The following ZNF718 variants were observed in gnomAD, a reference collection of about 807,000 sequenced individuals.
ZNF718 encodes the protein zinc finger protein 718.
In ZNF718, 3 loss-of-function variants were observed where a neutral mutation model predicts 2.6. The ratio of observed to expected loss-of-function variants is 1.16; its 90% confidence interval spans 0.53 to 3.01. ZNF718 has a LOEUF of 3.01. Ranked by LOEUF, ZNF718 falls within the 30% of genes most tolerant of loss-of-function variation. ZNF718 has a pLI of 0.03. For synonymous variants in ZNF718, 135 were observed against 77.9 expected (o/e 1.73, Z -3.86); for missense variants, 468 against 230.0 (o/e 2.03, Z -6.69).
At chr4:143,244 T>G (rs781995883) in intron 3 of ZNF718, among the ~76,000 whole-genome samples, 14 of 152,164 alleles carry the variant, frequency 9.2e-5, no homozygotes, top group Non-Finnish European at 1.5e-5. Context: ...CAGACTGGAG[T>G]GCAGTGGTGT....
Position 131,904 on chromosome 4 carries a change from G to T in ZNF718, c.226+399G>T, listed in dbSNP as rs1436345910. Among the ~76,000 whole-genome samples, 3 of 101,486 alleles carry T rather than the reference G, an allele frequency of 3.0e-5. 1 individual carries two copies. The highest frequency in any genetic ancestry group is 2.1e-4 in the Admixed American group (2 of 9,392). 66.6% of individuals were successfully genotyped at this position (101,486 alleles called of 152,430 possible). Reference sequence around the variant, plus strand: ...ACTAAAAATACAAAAAATTAGCCGGGTGTGGTGGCGGGCGCCTGTAGTCCC... The same window carrying T: ...ACTAAAAATACAAAAAATTAGCCGGTTGTGGTGGCGGGCGCCTGTAGTCCC... On this transcript the variant is annotated intron_variant, in intron 3 of 3. Coordinates refer to ENST00000510175, the MANE Select transcript of ZNF718 (RefSeq NM_001039127.6).
intron 3 of ZNF718, among the ~76,000 whole-genome samples, chr4:141,080 T>C (rs550591365): frequency 1.3e-5 from 2 of 152,342 alleles, no homozygotes; most frequent in Admixed American, 6.5e-5. Flanking sequence ...TATCCATTAG[T>C]TCAGGATTTT....
At chr4:160,599 G>C (rs1716779573) in intron 3 of ZNF718, among the ~76,000 whole-genome samples, 1 of 151,988 alleles carries the variant, frequency 6.6e-6, no homozygotes, top group Non-Finnish European at 1.5e-5. Context: ...ACCTTTTCTG[G>C]AGTGCAGTGG....
At chr4:151,106 A>G (rs537635051) in intron 3 of ZNF718, among the ~76,000 whole-genome samples, 1 of 151,830 alleles carries the variant, frequency 6.6e-6, no homozygotes, top group African/African-American at 2.4e-5. Flanking sequence ...TTAATTAATT[A>G]ATTTATTTAT....
At chr4:144,357 C>T (rs1483940025) in intron 3 of ZNF718, among the ~76,000 whole-genome samples, 2 of 152,154 alleles carry the variant, frequency 1.3e-5, no homozygotes, top group Non-Finnish European at 2.9e-5. Context: ...ATGGATTTAT[C>T]TCTGCATTCG....
intron 3 of ZNF718, among the ~76,000 whole-genome samples, chr4:174,002 TAGAG>T (rs534469751): frequency 6.8e-4 from 104 of 152,112 alleles, no homozygotes; most frequent in African/African-American, 2.2e-3. Context: ...GGCCCCCAAG[TAGAG>T]AGCAGTCCTG....
rs1716823948 is a variant in ZNF718 at position 161,203 on chromosome 4, G to A, written c.518G>A (p.Cys173Tyr). 6.5e-6 allele frequency: 5 copies of A among 771,902 alleles called. No individual in the cohort carries two copies. Among genetic ancestry groups the A allele is most frequent in the South Asian group, 5.4e-5 (4 of 73,396 alleles). The allele number at this position is 771,902 out of a possible 1,614,324, so 47.8% of individuals were successfully genotyped here. ...TATACTGGAGATAAAACCTTTAAAT[G>A]TAAAGAATGTGGCAAATCATTTCAC... is the stretch of plus-strand genomic sequence containing the variant. ...IRYTGDKTFKCKECGKSFHVL... is the reference protein window; with the variant it reads ...IRYTGDKTFKYKECGKSFHVL... Residue 173 changes from cysteine (C) to tyrosine (Y), a missense_variant, in exon 4 of 4, where the codon TGT (cysteine) becomes TAT (tyrosine). Physicochemically the swap from Cys to Tyr is radical, Grantham distance 194. Coordinates refer to ENST00000510175, the MANE Select transcript of ZNF718 (RefSeq NM_001039127.6).
chr4:182,855 TTTC>T (rs1717495509), intron 3 of ZNF718, among the ~76,000 whole-genome samples: 1 of 152,322 alleles, frequency 6.6e-6, no homozygotes, highest in African/African-American at 2.4e-5. Flanking sequence ...GGATGTTTGT[TTTC>T]TTCTTGTAAA....
chr4:153,794 A>G (rs1716443211), intron 3 of ZNF718, among the ~76,000 whole-genome samples: 1 of 152,242 alleles, frequency 6.6e-6, no homozygotes, highest in Non-Finnish European at 1.5e-5. Flanking sequence ...TATACTGAAC[A>G]GAAATCTATA....
At chr4:172,053 G>C (rs1553818153) in intron 3 of ZNF718, among the ~76,000 whole-genome samples, 2 of 152,146 alleles carry the variant, frequency 1.3e-5, no homozygotes, top group Non-Finnish European at 2.9e-5. Flanking sequence ...TTTTCATGCA[G>C]AATAGTCTAT....
chr4:184,567 G>T (rs1313804044), intron 3 of ZNF718, among the ~76,000 whole-genome samples: 1 of 151,972 alleles, frequency 6.6e-6, no homozygotes, highest in Non-Finnish European at 1.5e-5. Flanking sequence ...ATTTTTTCTG[G>T]CATAGTTTCA....
At chr4:139,725 GAAGAAGTAAGCCCA>G (rs2108785874) in intron 3 of ZNF718, among the ~76,000 whole-genome samples, 1 of 152,336 alleles carries the variant, frequency 6.6e-6, no homozygotes, top group East Asian at 1.9e-4. Flanking sequence ...CAGCCAGGAG[GAAGAAGTAAGCCCA>G]AAGTTTGGGA....
chr4:170,552 T>A (rs1192244953), intron 3 of ZNF718, among the ~76,000 whole-genome samples: 1 of 152,168 alleles, frequency 6.6e-6, no homozygotes, highest in African/African-American at 2.4e-5. Context: ...TGTTTCTTTT[T>A]ATTCTTTTTT....
chr4:199,278 C>A (rs1717852469), intron 3 of ZNF718, among the ~76,000 whole-genome samples: 1 of 152,220 alleles, frequency 6.6e-6, no homozygotes, highest in African/African-American at 2.4e-5. Context: ...ATTCTGTGCA[C>A]CATCCAGGCC....
chr4:152,617 T>C (rs1716377805), intron 3 of ZNF718, among the ~76,000 whole-genome samples: 1 of 151,966 alleles, frequency 6.6e-6, no homozygotes, highest in South Asian at 2.1e-4. Flanking sequence ...GGCAGAAGAA[T>C]TTTTCTTAGT....
chr4:133,195 A>AAAAAAACATATATATAT lies in ZNF718; in HGVS notation c.226+1691_226+1692insAAAAACATATATATATA, dbSNP rs1258303094. On this transcript the variant is annotated intron_variant, in intron 3 of 3. Transcript: ENST00000510175. ...TCCATCTTAAAAAAAAAAAAAAAAA[A>AAAAAAACATATATATAT]ATATATATATATATATATATATATA... Among the ~76,000 whole-genome samples the AAAAAAACATATATATAT allele has an allele frequency of 5.3e-4, 11 of 20,780 alleles. 1 individual carries two copies. The highest frequency in any genetic ancestry group is 1.8e-3 in the African/African-American group (11 of 5,966). 13.6% of individuals were successfully genotyped at this position (20,780 alleles called of 152,430 possible).
rs782383954 is a variant in ZNF718 at position 161,796 on chromosome 4, G to C, written c.1111G>C (p.Glu371Gln). The C allele has an allele frequency of 1.3e-6, 1 of 780,636 alleles. No individual in the cohort carries two copies. The highest frequency in any genetic ancestry group is 2.4e-6 in the Non-Finnish European group (1 of 417,968). The allele number at this position is 780,636 out of a possible 1,614,324, so 48.4% of individuals were successfully genotyped here. ...HTGEKPYTCE[E>Q]CGKAFNWSST... ...TGGAGAGAAACCCTACACATGTGAA[G>C]AATGTGGAAAAGCCTTTAATTGGTC... The change falls in exon 4 of 4, where the codon GAA becomes CAA. Residue 371 changes from glutamate to glutamine, a missense_variant. Coordinates refer to ENST00000510175, the MANE Select transcript of ZNF718 (RefSeq NM_001039127.6).
At chr4:153,295 A>C (rs1716417184) in intron 3 of ZNF718, among the ~76,000 whole-genome samples, 1 of 152,124 alleles carries the variant, frequency 6.6e-6, no homozygotes, top group Non-Finnish European at 1.5e-5. Context: ...TGCCAGAATC[A>C]TGCTCCTTTG....
At chr4:193,285 A>G (rs1481035327) in intron 3 of ZNF718, among the ~76,000 whole-genome samples, 1 of 151,892 alleles carries the variant, frequency 6.6e-6, no homozygotes, top group Non-Finnish European at 1.5e-5. Flanking sequence ...CGGCAGTGTT[A>G]GATTGCCACC....
Sources: gnomAD v4.1 joint callset for allele counts (sites outside exome capture counted in the v4.1 genomes callset) on GRCh38, gnomAD v4.1.1 for gene constraint, MANE v1.5 for transcripts, NCBI Gene and HGNC (gene_info 2026-07-23, HGNC 2026-07-21) for gene names.